Variants in ADGRG4 observed in about 807,000 individuals in gnomAD.
ADGRG4 encodes the protein G protein-coupled receptor 112.
Under a neutral mutation model 126.2 loss-of-function variants are expected in ADGRG4, and 122 were observed. That is an observed-to-expected ratio of 0.97 (90% CI 0.83 to 1.12). The LOEUF (loss-of-function observed/expected upper bound fraction) is 1.12, where lower values mean the gene tolerates loss of function less well. ADGRG4 is among the 50% of genes most tolerant of loss of function. The pLI is 0.00. For missense variants in ADGRG4, 2,481 were observed against 2,251.8 expected, an observed-to-expected ratio of 1.10 and a Z score of -2.06; for synonymous variants, 943 against 838.7, an observed-to-expected ratio of 1.12 and a Z score of -2.15.
intron 23 of ADGRG4, among the ~76,000 whole-genome samples, chrX:136,409,042 A>T (rs1354492226): frequency 1.3e-5 from 1 of 76,968 alleles, no homozygotes; most frequent in Non-Finnish European, 2.4e-5. Context: ...AGAGTTTCAA[A>T]TTCAAGACAC....
chrX:136,330,741 G>A (rs1185101325), intron 5 of ADGRG4, among the ~76,000 whole-genome samples: 2 of 111,294 alleles, frequency 1.8e-5, no homozygotes, highest in Non-Finnish European at 3.8e-5. Flanking sequence ...TATTTGTGTA[G>A]TATATGAGAT....
At chrX:136,353,217 G>T in intron 7 of ADGRG4, 120 bp from the exon 8 acceptor site, 1 of 520,099 alleles carries the variant, frequency 1.9e-6, no homozygotes, top group Non-Finnish European at 3.4e-6. Flanking sequence ...GGAGCAGATG[G>T]AAATGTTGAG....
intron 13 of ADGRG4, among the ~76,000 whole-genome samples, chrX:136,368,953 C>T (rs2075175825): frequency 8.9e-6 from 1 of 112,421 alleles, no homozygotes; most frequent in African/African-American, 3.2e-5. Flanking sequence ...AGACCCAGCA[C>T]ACTACTGAGC....
At position 136,331,886 on chromosome X, in the gene ADGRG4, G is replaced by A. The variant is rs371532381; in HGVS notation, c.685+8494G>A. 7.6e-5 allele frequency among the ~76,000 whole-genome samples: 8 copies of A among 104,765 alleles called. No individual in the cohort carries two copies. In the East Asian group the frequency reaches 2.4e-3, roughly 31 times the overall value. 91.0% of individuals were successfully genotyped at this position (104,765 alleles called of 115,157 possible). ...GGCTGGAATGCAGTGGTGCGATCTC[G>A]GCTCACTGCAAGCTCCGCCTCCCGG... On this transcript the variant is annotated intron_variant, in intron 5 of 25. Transcript: ENST00000394143.
At chrX:136,356,444 CA>C (rs371208077) in intron 9 of ADGRG4, among the ~76,000 whole-genome samples, 8 of 110,701 alleles carry the variant, frequency 7.2e-5, no homozygotes, top group East Asian at 2.8e-4. Flanking sequence ...AGATGTCTTG[CA>C]AAAAAAACCT....
At position 136,344,959 on chromosome X, in the gene ADGRG4, T is replaced by C. The variant is rs369394930; in HGVS notation, c.1253T>C (p.Leu418Pro). The C allele has an allele frequency of 1.8e-5, 22 of 1,209,392 alleles. No homozygotes were observed. Among genetic ancestry groups the C allele is most frequent in the Non-Finnish European group, 2.3e-5 (21 of 894,567 alleles). The change falls in exon 6 of 26, where the codon CTC becomes CCC. Residue 418 changes from leucine to proline, a missense_variant. Coordinates refer to ENST00000394143, the MANE Select transcript of ADGRG4 (RefSeq NM_153834.4). ...ESTSMSTTPC[L>P]KQKSTNTGAL... is the part of the protein sequence containing the mutation. ...ACATCTATGTCTACAACACCTTGTC[T>C]CAAACAAAAATCCACAAATACTGGG...
At chrX:136,361,648 A>G in intron 12 of ADGRG4, 61 bp downstream of exon 12, 1 of 898,423 alleles carries the variant, frequency 1.1e-6, no homozygotes, top group East Asian at 3.5e-5. Context: ...CTAATTGGGG[A>G]CATGTTTCTA....
rs757043659 is a variant in ADGRG4 at position 136,349,287 on chromosome X, G to T, written c.5581G>T (p.Val1861Phe). ...CTCTCCTCCTCCCACATCCCAAATG[G>T]TTGAATTTCCAGTTCTGGGAACAAG... is the stretch of plus-strand genomic sequence containing the variant. ...KTSPPPTSQM[V>F]EFPVLGTRMT... is the part of the protein sequence containing the mutation. Residue 1861 changes from valine to phenylalanine, a missense_variant, in exon 6 of 26, where the codon GTT becomes TTT. Physicochemically the swap from Val to Phe is conservative, Grantham distance 50. Transcript: ENST00000394143. 2.5e-6 allele frequency: 3 copies of T among 1,205,759 alleles called. No homozygotes were observed. Among genetic ancestry groups the T allele is most frequent in the African/African-American group, 3.5e-5 (2 of 56,906 alleles).
At position 136,314,447 on chromosome X, in the gene ADGRG4, C is replaced by T. The variant is rs375879159; in HGVS notation, c.70+5600C>T. ...CAGACACACTGGCTTCCTAGTATTCCGTAAACACACCAAGCACAGTCCCAC... is the reference window on the plus strand; with the variant it reads ...CAGACACACTGGCTTCCTAGTATTCTGTAAACACACCAAGCACAGTCCCAC... On this transcript the variant is annotated intron_variant, in intron 4 of 25. Transcript: ENST00000394143. Among the ~76,000 whole-genome samples, 11 of 111,709 alleles carry T rather than the reference C, an allele frequency of 9.8e-5. No individual in the cohort carries two copies. In the East Asian group the frequency reaches 1.1e-3, roughly 11 times the overall value.
intron 5 of ADGRG4, among the ~76,000 whole-genome samples, chrX:136,325,411 C>G (rs1394975071): frequency 8.9e-6 from 1 of 111,974 alleles, no homozygotes; most frequent in South Asian, 3.7e-4. Flanking sequence ...TGTTTTTTCT[C>G]TTTTCTGGGG....
Position 136,403,281 on chromosome X carries a change from G to A in ADGRG4, c.8613G>A (p.Val2871=), listed in dbSNP as rs766805541. The part of the protein sequence containing the change: ...PAIMVAITVS[V]KKDLYGTLSP... The stretch of plus-strand genomic sequence containing the variant: ...TCATGGTGGCAATCACAGTCAGTGT[G>A]AAAAAAGATCTGTATGGAACTCTGA... Residue 2871 remains valine (V), a synonymous_variant, in exon 22 of 26, where the codon GTG becomes GTA. Transcript: ENST00000394143. 1 of 1,210,260 alleles carries A rather than the reference G, an allele frequency of 8.3e-7. No homozygotes were observed. Among genetic ancestry groups the A allele is most frequent in the Non-Finnish European group, 1.1e-6 (1 of 894,181 alleles).
In ADGRG4 at chrX:136,371,440, TGATGA is replaced by T. The variant is rs1286837896; in HGVS notation, c.7513_7517del (p.Glu2505LysfsTer25). ...CTAAAATATCAGATATTTCACAATGTGATGAGATAAGTATGAACCTAACTCATGTT... is the reference window on the plus strand; with the variant it reads ...CTAAAATATCAGATATTTCACAATGTGATAAGTATGAACCTAACTCATGTT... On this transcript the variant is annotated frameshift_variant, in exon 14 of 26. Transcript: ENST00000394143. LOFTEE classifies it high-confidence loss of function. 12 of 1,189,745 alleles carry T rather than the reference TGATGA, an allele frequency of 1.0e-5. No individual in the cohort carries two copies. Among genetic ancestry groups the T allele is most frequent in the South Asian group, 1.8e-5 (1 of 54,995 alleles).
At chrX:136,397,781 G>T in intron 19 of ADGRG4, 100 bp from the exon 20 acceptor site, 1 of 813,103 alleles carries the variant, frequency 1.2e-6, no homozygotes. Context: ...TGGCAGAAAT[G>T]TTATACATCC....
At chrX:136,356,707 C>T (rs1270225126) in intron 9 of ADGRG4, among the ~76,000 whole-genome samples, 1 of 112,104 alleles carries the variant, frequency 8.9e-6, no homozygotes, top group African/African-American at 3.2e-5. Context: ...ATCAAGCCCA[C>T]AGTACAGGGG....
chrX:136,346,846 T>C lies in ADGRG4; in HGVS notation c.3140T>C (p.Val1047Ala), dbSNP rs2075020917. 1 of 1,209,473 alleles carries C rather than the reference T, an allele frequency of 8.3e-7. No homozygotes were observed. Among genetic ancestry groups the C allele is most frequent in the African/African-American group, 1.7e-5 (1 of 57,734 alleles). The change falls in exon 6 of 26, where the codon GTG becomes GCG. Residue 1047 changes from valine to alanine, a missense_variant. Val to Ala is a moderately conservative substitution (Grantham distance 64, BLOSUM62 0). Transcript: ENST00000394143. ...STLARAFSTS[V>A]LSDVSNLSST... ...CTGGCCAGGGCTTTTTCTACATCTG[T>C]GCTCTCAGATGTCTCAAATCTATCC...
At chrX:136,344,299 T>C (rs1169622556) in intron 5 of ADGRG4, 93 bp from the exon 6 acceptor site, 6 of 565,713 alleles carry the variant, frequency 1.1e-5, no homozygotes, top group African/African-American at 7.0e-5. Context: ...TGATACTTTC[T>C]TACAAAATGA....
At chrX:136,303,737 C>T (rs911957232) in intron 1 of ADGRG4, among the ~76,000 whole-genome samples, 6 of 111,118 alleles carry the variant, frequency 5.4e-5, no homozygotes, top group African/African-American at 1.6e-4. Context: ...TTTTTTCCTC[C>T]AGCATTGGAC....
At chrX:136,404,315 C>T (rs2075393935) in intron 22 of ADGRG4, among the ~76,000 whole-genome samples, 1 of 110,824 alleles carries the variant, frequency 9.0e-6, no homozygotes, top group Non-Finnish European at 1.9e-5. Context: ...TAATGGTGAC[C>T]CTTCTTGAAC....
rs1166685740 is a variant in ADGRG4, at chrX:136,353,338, T to G, written c.6824T>G (p.Leu2275Trp). Reference sequence around the variant, plus strand: ...CTGATTTTTTTTTGTCTTGTACAGTTGAATTCTATATTTCAGAACAGTGAA... The same window carrying G: ...CTGATTTTTTTTTGTCTTGTACAGTGGAATTCTATATTTCAGAACAGTGAA... ...SVINEFTENS[L>W]NSIFQNSEFS... Residue 2275 changes from leucine to tryptophan, a missense_variant and splice_region_variant, in exon 8 of 26, where the codon TTG becomes TGG. Leu to Trp is a moderately conservative substitution (Grantham distance 61, BLOSUM62 -2). Transcript: ENST00000394143. The G allele has an allele frequency of 1.7e-6, 2 of 1,179,936 alleles. No homozygotes were observed. Among genetic ancestry groups the G allele is most frequent in the Middle Eastern group, 2.3e-4 (1 of 4,296 alleles).
Sources: gnomAD v4.1 joint callset for allele counts (sites outside exome capture counted in the v4.1 genomes callset) on GRCh38, gnomAD v4.1.1 for gene constraint, MANE v1.5 for transcripts, NCBI Gene and HGNC (gene_info 2026-07-23, HGNC 2026-07-21) for gene names.